The following ATP5PF variants were observed in gnomAD, a reference collection of about 807,000 sequenced individuals.
ATP5PF encodes the protein ATP synthase peripheral stalk subunit F6, mitochondrial.
In ATP5PF, 7 loss-of-function variants were observed where a neutral mutation model predicts 12.0. The ratio of observed to expected loss-of-function variants is 0.58; its 90% CI spans 0.33 to 1.10. The LOEUF (loss-of-function observed/expected upper bound fraction) is 1.10, where lower values mean the gene tolerates loss of function less well. Ranked by LOEUF, ATP5PF falls within the 50% of genes least tolerant of loss-of-function variation. The probability of loss-of-function intolerance (pLI) is 0.03; values close to 1 mark genes in which losing one functional copy is unlikely to be tolerated. For synonymous variants in ATP5PF, 41 were observed against 45.4 expected, an observed-to-expected ratio of 0.90 and a Z score of 0.39; for missense variants, 120 against 127.7, an observed-to-expected ratio of 0.94 and a Z score of 0.29.
chr21:25,734,924 C>T (rs1191665403), upstream of ATP5PF: 8 of 1,571,778 alleles, frequency 5.1e-6, no homozygotes, highest in Middle Eastern at 1.7e-4. Flanking sequence ...CCTGGCTCCG[C>T]CCCCACACGC....
At chr21:25,724,746 A>G (rs1211232799) in intron 3 of ATP5PF, 69 bp from the exon 4 acceptor site, 7 of 1,457,934 alleles carry the variant, frequency 4.8e-6, no homozygotes, top group Non-Finnish European at 5.6e-6. Context: ...TAGAATGCTC[A>G]AGATTTAACT....
At position 25,734,589 on chromosome 21, in the gene ATP5PF, C is replaced by A. The variant is rs958549520; in HGVS notation, c.-8+264G>T. On this transcript the variant is annotated intron_variant, in intron 1 of 3. Coordinates refer to ENST00000284971, the MANE Select transcript of ATP5PF (RefSeq NM_001003703.2). ...TGGGTTGCCCCAGCCAGGCTGCGGG[C>A]CCGAGACCCCCGGGCCTCCCTGCCC... is the stretch of plus-strand genomic sequence containing the variant. 13 of 414,694 alleles carry A rather than the reference C, an allele frequency of 3.1e-5. No individual in the cohort carries two copies. In the East Asian group the frequency reaches 7.1e-4, roughly 23 times the overall value. 25.7% of individuals were successfully genotyped at this position (414,694 alleles called of 1,614,324 possible).
chr21:25,724,637 T>C lies in ATP5PF; in HGVS notation c.*3A>G. 1 of 1,602,274 alleles carries C rather than the reference T, an allele frequency of 6.2e-7. No homozygotes were observed. The highest frequency in any genetic ancestry group is 8.5e-7 in the Non-Finnish European group (1 of 1,177,086). ...ATTACCAGATTAATTTTACTTTATT[T>C]CTTCAGGCCTGGGGTTTTTCGATGA... is the stretch of plus-strand genomic sequence containing the variant. On this transcript the variant is annotated 3_prime_UTR_variant, in exon 4 of 4. Coordinates refer to ENST00000284971, the MANE Select transcript of ATP5PF (RefSeq NM_001003703.2).
At chr21:25,734,269 C>G in intron 1 of ATP5PF, 1 of 952,546 alleles carries the variant, frequency 1.0e-6, no homozygotes. Context: ...AGTAAGAAAA[C>G]ACTAGTCTGA....
chr21:25,724,745 C>G, intron 3 of ATP5PF, 68 bp from the exon 4 acceptor site: 1 of 1,454,010 alleles, frequency 6.9e-7, no homozygotes, highest in Non-Finnish European at 9.4e-7. Flanking sequence ...GTAGAATGCT[C>G]AAGATTTAAC....
At chr21:25,731,289 G>A (rs947267979) in intron 1 of ATP5PF, among the ~76,000 whole-genome samples, 1 of 152,114 alleles carries the variant, frequency 6.6e-6, no homozygotes, top group Non-Finnish European at 1.5e-5. Flanking sequence ...ATAATTAGTA[G>A]AATACATTTT....
At position 25,729,516 on chromosome 21, in the gene ATP5PF, G is replaced by C; in HGVS notation, c.164+115C>G. 5.3e-6 allele frequency: 5 copies of C among 938,700 alleles called. No homozygotes were observed. The South Asian group carries it at 1.2e-4, about 23-fold the overall frequency. The allele number at this position is 938,700 out of a possible 1,614,324, so 58.1% of individuals were successfully genotyped here. ...GGGCACCTAATGAACCTCTATGTCA[G>C]AGATGAGCTCAGTGAAGGTCTAATA... is the stretch of plus-strand genomic sequence containing the variant. On this transcript the variant is annotated intron_variant, in intron 2 of 3. Transcript: ENST00000284971.
intron 2 of ATP5PF, 119 bp downstream of exon 2, chr21:25,729,512 G>C (rs2034701287): frequency 1.1e-6 from 1 of 906,870 alleles, no homozygotes; most frequent in Non-Finnish European, 1.6e-6. Context: ...GAACCTCTAT[G>C]TCAGAGATGA....
intron 1 of ATP5PF, chr21:25,734,474 A>ATGGT: frequency 1.3e-6 from 1 of 780,936 alleles, no homozygotes; most frequent in Non-Finnish European, 1.6e-6. Flanking sequence ...TTCCCTCTTA[A>ATGGT]TGGTACACGT....
chr21:25,735,136 T>G, upstream of ATP5PF: 1 of 678,220 alleles, frequency 1.5e-6, no homozygotes, highest in Non-Finnish European at 2.6e-6. Context: ...TGACCCGTTC[T>G]TTTTCCCCTC....
At chr21:25,730,808 T>G (rs2034754050) in intron 1 of ATP5PF, among the ~76,000 whole-genome samples, 1 of 139,670 alleles carries the variant, frequency 7.2e-6, no homozygotes, top group Non-Finnish European at 1.5e-5. Context: ...TAGACTTCCT[T>G]AAGCTAAAAT....
intron 3 of ATP5PF, 69 bp from the exon 4 acceptor site, chr21:25,724,746 A>C: frequency 1.2e-5 from 18 of 1,458,034 alleles, no homozygotes; most frequent in Non-Finnish European, 1.6e-5. Context: ...TAGAATGCTC[A>C]AGATTTAACT....
At chr21:25,725,198 G>A in intron 3 of ATP5PF, 28 bp downstream of exon 3, 5 of 1,590,094 alleles carry the variant, frequency 3.1e-6, no homozygotes, top group Non-Finnish European at 4.3e-6. Flanking sequence ...TCCCCCACAA[G>A]AATGAATCTG....
At chr21:25,729,490 A>G in intron 2 of ATP5PF, 141 bp downstream of exon 2, 1 of 676,464 alleles carries the variant, frequency 1.5e-6, no homozygotes, top group Non-Finnish European at 2.3e-6. Flanking sequence ...TTCTTTTTTG[A>G]GGGCACCTAA....
At chr21:25,734,380 G>C (rs1276340689) in intron 1 of ATP5PF, 2 of 990,938 alleles carry the variant, frequency 2.0e-6, no homozygotes, top group African/African-American at 3.5e-5. Context: ...ATATTCCTAT[G>C]AACAATCCAT....
chr21:25,725,263 A>T lies in ATP5PF; in HGVS notation c.252T>A (p.Asn84Lys). The T allele has an allele frequency of 1.9e-6, 3 of 1,613,452 alleles. No homozygotes were observed. The highest frequency in any genetic ancestry group is 2.5e-6 in the Non-Finnish European group (3 of 1,179,958). The stretch of plus-strand genomic sequence containing the variant: ...AGGTGGGAAATGTATTCATGTCTGC[A>T]TTACCAAACATTTGCTTGAGCTTAA... ...ELFKLKQMFGNADMNTFPTFK... is the reference protein window; with the variant it reads ...ELFKLKQMFGKADMNTFPTFK... Residue 84 changes from asparagine (N) to lysine (K), a missense_variant, in exon 3 of 4, where the codon AAT (asparagine) becomes AAA (lysine). Coordinates refer to ENST00000284971, the MANE Select transcript of ATP5PF (RefSeq NM_001003703.2).
At chr21:25,730,142 A>C (rs1169975906) in intron 1 of ATP5PF, among the ~76,000 whole-genome samples, 1 of 152,198 alleles carries the variant, frequency 6.6e-6, no homozygotes, top group African/African-American at 2.4e-5. Context: ...TCCGCTCCTA[A>C]CAGGAAAAGT....
At chr21:25,731,683 G>T (rs1293454517) in intron 1 of ATP5PF, among the ~76,000 whole-genome samples, 1 of 151,566 alleles carries the variant, frequency 6.6e-6, no homozygotes, top group Non-Finnish European at 1.5e-5. Flanking sequence ...TTTCCTAATA[G>T]CAATACTGTC....
At chr21:25,735,342 T>C (rs1037111589), upstream of ATP5PF, 1 of 236,708 alleles carries the variant, frequency 4.2e-6, no homozygotes, top group East Asian at 9.8e-5. Context: ...CCTTGGGCGG[T>C]CGTTTTGCGC....
Sources: allele counts gnomAD v4.1 joint callset (sites outside exome capture counted in the v4.1 genomes callset), GRCh38; gene constraint gnomAD v4.1.1; transcripts MANE v1.5; gene names NCBI Gene and HGNC (gene_info 2026-07-23, HGNC 2026-07-21).